The following MCTP1 variants were observed in gnomAD, a reference collection of about 807,000 sequenced individuals.
MCTP1 encodes multiple C2 and transmembrane domain containing 1.
In MCTP1, 69 loss-of-function variants were observed where a neutral mutation model predicts 120.6. The observed-to-expected ratio is 0.57, with a 90% CI of 0.47 to 0.70. MCTP1 has a LOEUF of 0.70. Ranked by LOEUF, MCTP1 falls within the 30% of genes least tolerant of loss-of-function variation. The probability of loss-of-function intolerance (pLI) is 0.00; values close to 1 mark genes in which losing one functional copy is unlikely to be tolerated. For synonymous variants in MCTP1, 529 were observed against 493.1 expected, an observed-to-expected ratio of 1.07 and a Z score of -0.96; for missense variants, 1,203 against 1,248.8, an observed-to-expected ratio of 0.96 and a Z score of 0.55.
chr5:95,202,331 G>A (rs1451277019), intron 1 of MCTP1, among the ~76,000 whole-genome samples: 1 of 152,168 alleles, frequency 6.6e-6, no homozygotes, highest in Admixed American at 6.5e-5. Flanking sequence ...TAGGCTGAGA[G>A]TTCCACCATC....
chr5:94,833,449 C>T (rs916049970), intron 17 of MCTP1, among the ~76,000 whole-genome samples: 3 of 151,934 alleles, frequency 2.0e-5, no homozygotes, highest in East Asian at 1.9e-4. Context: ...CGTAATATGG[C>T]CCAATTATGT....
intron 1 of MCTP1, among the ~76,000 whole-genome samples, chr5:95,266,105 T>C (rs921473589): frequency 6.6e-6 from 1 of 152,220 alleles, no homozygotes; most frequent in Non-Finnish European, 1.5e-5. Flanking sequence ...AGCTTCCTTT[T>C]TATTTCTGGG....
At chr5:94,779,509 A>G (rs1776141261) in intron 18 of MCTP1, among the ~76,000 whole-genome samples, 1 of 152,190 alleles carries the variant, frequency 6.6e-6, no homozygotes, top group Non-Finnish European at 1.5e-5. Flanking sequence ...GGCACTTTAA[A>G]TTGAGAACTA....
rs34667866 is a variant in MCTP1 at position 95,276,251 on chromosome 5, ATTTTT to A, written c.720+7600_720+7604del. Among the ~76,000 whole-genome samples, 337 of 84,768 alleles carry A rather than the reference ATTTTT, an allele frequency of 4.0e-3. 1 individual carries two copies. Among genetic ancestry groups the A allele is most frequent in the Middle Eastern group, 0.01 (1 of 98 alleles). 55.6% of individuals were successfully genotyped at this position (84,768 alleles called of 152,430 possible). ...GACAGGATTCTTGGTCAATATTGGG[ATTTTT>A]TTTTTTTTTTTTTTTTTTTTTGATC... is the stretch of plus-strand genomic sequence containing the variant. On this transcript the variant is annotated intron_variant, in intron 1 of 22. Coordinates refer to ENST00000515393, the MANE Select transcript of MCTP1 (RefSeq NM_024717.7).
intron 6 of MCTP1, among the ~76,000 whole-genome samples, chr5:94,926,367 G>A (rs1374545434): frequency 6.6e-6 from 1 of 151,542 alleles, no homozygotes; most frequent in East Asian, 1.9e-4. Context: ...TACAATTTTG[G>A]CCACTTAAGA....
intron 2 of MCTP1, among the ~76,000 whole-genome samples, chr5:94,963,281 G>A (rs1169150923): frequency 4.0e-5 from 6 of 151,164 alleles, no homozygotes; most frequent in Non-Finnish European, 8.8e-5. Flanking sequence ...TGCAGATATC[G>A]CTACTAGATC....
chr5:94,940,180 G>T lies in MCTP1; in HGVS notation c.1077C>A (p.Thr359=), dbSNP rs747277274. ...GATAATGAGGATCTTTCAGAGTAAG[G>T]GTCACATCTGTGGGCCTGTGATAGA... ...QLELNRPTDV[T]LTLKDPHYPD... is the part of the protein sequence containing the mutation. The change falls in exon 5 of 23, where the codon ACC becomes ACA. Residue 359 remains threonine, a synonymous_variant. Coordinates refer to ENST00000515393, the MANE Select transcript of MCTP1 (RefSeq NM_024717.7). The T allele has an allele frequency of 6.3e-7, 1 of 1,598,458 alleles. No homozygotes were observed. The highest frequency in any genetic ancestry group is 8.5e-7 in the Non-Finnish European group (1 of 1,169,960).
intron 1 of MCTP1, among the ~76,000 whole-genome samples, chr5:95,019,798 T>C (rs964378572): frequency 1.3e-5 from 2 of 151,954 alleles, no homozygotes; most frequent in African/African-American, 4.8e-5. Flanking sequence ...TTGAAACCAG[T>C]GTAAAGGACA....
At chr5:94,923,824 G>A in intron 7 of MCTP1, 138 bp downstream of exon 7, 1 of 545,952 alleles carries the variant, frequency 1.8e-6, no homozygotes, top group African/African-American at 2.0e-5. Context: ...TGACTTAGAA[G>A]ATAATAAAGA....
chr5:95,218,697 T>C (rs1287637323), intron 1 of MCTP1, among the ~76,000 whole-genome samples: 1 of 152,170 alleles, frequency 6.6e-6, no homozygotes, highest in African/African-American at 2.4e-5. Context: ...AAATGCATTG[T>C]GGGTGATTTT....
intron 17 of MCTP1, among the ~76,000 whole-genome samples, chr5:94,854,136 T>C (rs1326498009): frequency 5.9e-5 from 9 of 151,844 alleles, no homozygotes; most frequent in Non-Finnish European, 1.2e-4. Flanking sequence ...GCCTTTACCA[T>C]AGATTATTTC....
At chr5:94,736,591 C>T (rs755513818) in intron 19 of MCTP1, among the ~76,000 whole-genome samples, 1 of 152,048 alleles carries the variant, frequency 6.6e-6, no homozygotes, top group Non-Finnish European at 1.5e-5. Flanking sequence ...TTAGTGTAAC[C>T]AAAATCACAA....
In MCTP1 at chr5:95,167,021, C is replaced by T. The variant is rs577716068; in HGVS notation, c.720+116835G>A. Among the ~76,000 whole-genome samples the T allele has an allele frequency of 4.7e-5, 7 of 150,450 alleles. No homozygotes were observed. The South Asian group carries it at 1.5e-3, about 32-fold the overall frequency. On this transcript the variant is annotated intron_variant, in intron 1 of 22. Transcript: ENST00000515393. ...CATGTTGGTGTGCTGCACCCATTAA[C>T]TCGTCATTTACATTAGGTATATCTC...
At chr5:94,807,916 T>C (rs1782686983) in intron 17 of MCTP1, among the ~76,000 whole-genome samples, 2 of 152,160 alleles carry the variant, frequency 1.3e-5, no homozygotes, top group Admixed American at 6.5e-5. Flanking sequence ...TACAAGTGTA[T>C]ACAGAAAAAA....
chr5:95,011,794 T>C (rs976613390), intron 2 of MCTP1, among the ~76,000 whole-genome samples: 1 of 152,164 alleles, frequency 6.6e-6, no homozygotes, highest in Non-Finnish European at 1.5e-5. Flanking sequence ...AGTGTGAGAA[T>C]GGACTAATAC....
chr5:95,068,028 T>C (rs2152190427), intron 1 of MCTP1, among the ~76,000 whole-genome samples: 1 of 152,358 alleles, frequency 6.6e-6, no homozygotes, highest in South Asian at 2.1e-4. Context: ...AAATTTGAAA[T>C]ATAAATCATT....
intron 12 of MCTP1, among the ~76,000 whole-genome samples, chr5:94,875,086 G>A (rs1798551336): frequency 6.6e-6 from 1 of 152,112 alleles, no homozygotes. Context: ...AGTTTACATT[G>A]AAGAAGAAGA....
chr5:95,041,097 C>A (rs1842274532), intron 1 of MCTP1, among the ~76,000 whole-genome samples: 2 of 151,224 alleles, frequency 1.3e-5, no homozygotes, highest in African/African-American at 2.4e-5. Context: ...TACTTGCAAC[C>A]CAAAGCAACC....
At chr5:94,812,896 T>TTC (rs70978132) in intron 17 of MCTP1, among the ~76,000 whole-genome samples, 12,885 of 147,250 alleles carry the variant, frequency 0.088, 689 homozygotes, top group East Asian at 0.27. Context: ...ACCAAAAGCA[T>TTC]TCTCTCTCTC....
Sources: gnomAD v4.1 joint callset for allele counts (sites outside exome capture counted in the v4.1 genomes callset) on GRCh38, gnomAD v4.1.1 for gene constraint, MANE v1.5 for transcripts, NCBI Gene and HGNC (gene_info 2026-07-23, HGNC 2026-07-21) for gene names.